PXDNL: variants seen among roughly 807,000 people sequenced by gnomAD.
PXDNL encodes the protein peroxidasin like.
PXDNL carries 145 observed loss-of-function variants against 150.8 expected under a neutral mutation model. That is an observed-to-expected ratio of 0.96 (90% CI 0.84 to 1.10). The LOEUF is 1.10. Ranked by LOEUF, PXDNL falls within the 50% of genes least tolerant of loss-of-function variation. The pLI is 0.00. For synonymous variants in PXDNL, 757 were observed against 725.7 expected, an observed-to-expected ratio of 1.04 and a Z score of -0.69; for missense variants, 2,087 against 1,873.9, an observed-to-expected ratio of 1.11 and a Z score of -2.10.
chr8:51,696,307 T>A (rs1816123175), intron 1 of PXDNL, among the ~76,000 whole-genome samples: 1 of 152,156 alleles, frequency 6.6e-6, no homozygotes, highest in East Asian at 1.9e-4. Flanking sequence ...ACTATTGCCG[T>A]TATAAGAAGA....
intron 1 of PXDNL, among the ~76,000 whole-genome samples, chr8:51,743,948 GA>G (rs1563306962): frequency 0.02 from 421 of 20,786 alleles, 1 homozygote; most frequent in Non-Finnish European, 0.052. Context: ...AGGAGAGAAA[GA>G]GAGAAAGAAA....
rs200199155 is a variant in PXDNL, at chr8:51,371,989, T to C, written c.3785A>G (p.Asp1262Gly). Residue 1262 changes from aspartate (D) to glycine (G), a missense_variant, in exon 19 of 23, where the codon GAC becomes GGC. Transcript: ENST00000356297. ...ATCAGCCTGCACTTGCTGAATGCTG[T>C]CACCATTGTCACAAAGCACCCGGCT... ...SLSRVLCDNG[D>G]SIQQVQADVF... is the part of the protein sequence containing the mutation. The C allele has an allele frequency of 6.2e-7, 1 of 1,613,668 alleles. No homozygotes were observed. The highest frequency in any genetic ancestry group is 2.2e-5 in the East Asian group (1 of 44,860).
rs111856054 is a variant in PXDNL at position 51,528,013 on chromosome 8, G to T, written c.381-28243C>A. Among the ~76,000 whole-genome samples, 978 of 152,240 alleles carry T rather than the reference G, an allele frequency of 6.4e-3. 5 individuals carry two copies. Among genetic ancestry groups the T allele is most frequent in the African/African-American group, 0.022 (932 of 41,534 alleles). On this transcript the variant is annotated intron_variant, in intron 4 of 22. Transcript: ENST00000356297. ...CCTCATCTGTCTAATCTAGTAGTTTGTGTGTAAGATAATTTGGAAAAAGAA... is the reference window on the plus strand; with the variant it reads ...CCTCATCTGTCTAATCTAGTAGTTTTTGTGTAAGATAATTTGGAAAAAGAA...
chr8:51,640,837 A>C (rs981682577), intron 2 of PXDNL, among the ~76,000 whole-genome samples: 4 of 151,874 alleles, frequency 2.6e-5, no homozygotes, highest in African/African-American at 9.7e-5. Context: ...CTTTCTTCAC[A>C]GAATTGGAAA....
intron 2 of PXDNL, among the ~76,000 whole-genome samples, chr8:51,636,866 T>TGA (rs1814614446): frequency 6.6e-6 from 1 of 151,792 alleles, no homozygotes; most frequent in Non-Finnish European, 1.5e-5. Flanking sequence ...GCATGGAGTG[T>TGA]GAGATCTGAG....
At chr8:51,383,733 TATAC>T (rs1448895675) in intron 17 of PXDNL, among the ~76,000 whole-genome samples, 1 of 152,212 alleles carries the variant, frequency 6.6e-6, no homozygotes, top group Non-Finnish European at 1.5e-5. Flanking sequence ...GGTATTTTGA[TATAC>T]AGAGAGTTGA....
chr8:51,580,832 GA>G (rs1813194669), intron 3 of PXDNL, among the ~76,000 whole-genome samples: 1 of 152,146 alleles, frequency 6.6e-6, no homozygotes, highest in South Asian at 2.1e-4. Context: ...TCTGGTTGGG[GA>G]AATCTAGAAA....
intron 6 of PXDNL, 133 bp from the exon 7 acceptor site, chr8:51,475,274 C>T: frequency 1.3e-6 from 1 of 794,352 alleles, no homozygotes; most frequent in Non-Finnish European, 2.0e-6. Flanking sequence ...ATTCTATTAA[C>T]CAATAAACAG....
intron 1 of PXDNL, among the ~76,000 whole-genome samples, chr8:51,675,699 A>G (rs1033610198): frequency 6.8e-6 from 1 of 147,976 alleles, no homozygotes; most frequent in Non-Finnish European, 1.5e-5. Flanking sequence ...AGGCTGAGGC[A>G]GGAGAATCAC....
chr8:51,385,377 A>G (rs1807670142), intron 17 of PXDNL, among the ~76,000 whole-genome samples: 1 of 152,200 alleles, frequency 6.6e-6, no homozygotes, highest in South Asian at 2.1e-4. Context: ...ATGTCATTAA[A>G]TGTTATGTTT....
chr8:51,501,417 C>T (rs1374697225), intron 4 of PXDNL, among the ~76,000 whole-genome samples: 2 of 145,164 alleles, frequency 1.4e-5, no homozygotes, highest in African/African-American at 5.2e-5. Context: ...CTCAGACTCC[C>T]TCATACCCAC....
At chr8:51,342,027 A>G (rs955546285) in intron 20 of PXDNL, among the ~76,000 whole-genome samples, 3 of 152,210 alleles carry the variant, frequency 2.0e-5, no homozygotes, top group African/African-American at 7.2e-5. Context: ...AAAATTATTC[A>G]TAATTAGCAC....
intron 19 of PXDNL, among the ~76,000 whole-genome samples, chr8:51,355,342 C>T (rs891932390): frequency 1.3e-5 from 2 of 152,080 alleles, no homozygotes; most frequent in East Asian, 3.8e-4. Flanking sequence ...TACATTTGTA[C>T]ATAAAATATA....
At chr8:51,566,369 A>AT (rs1812829511) in intron 3 of PXDNL, among the ~76,000 whole-genome samples, 1 of 151,678 alleles carries the variant, frequency 6.6e-6, no homozygotes, top group African/African-American at 2.4e-5. Context: ...AATTAACGTC[A>AT]TTTTTTCTTT....
chr8:51,751,728 C>T (rs961318860), intron 1 of PXDNL, among the ~76,000 whole-genome samples: 8 of 152,182 alleles, frequency 5.3e-5, no homozygotes, highest in African/African-American at 1.9e-4. Context: ...TGCTTTAATA[C>T]TTTTTCTTTC....
At chr8:51,486,769 TATATATATATATATATATATA>T (rs1810752497) in intron 5 of PXDNL, among the ~76,000 whole-genome samples, 4 of 8,340 alleles carry the variant, frequency 4.8e-4, no homozygotes, top group African/African-American at 7.5e-4. Flanking sequence ...TATATATATA[TATATATATATATATATATATA>T]TATATTTTTT....
intron 1 of PXDNL, among the ~76,000 whole-genome samples, chr8:51,776,083 A>G (rs1006136320): frequency 6.6e-6 from 1 of 152,216 alleles, no homozygotes; most frequent in Admixed American, 6.5e-5. Flanking sequence ...CAGGCTTATT[A>G]GGACGAAGAA....
intron 1 of PXDNL, among the ~76,000 whole-genome samples, chr8:51,680,631 G>A (rs929382203): frequency 6.6e-6 from 1 of 152,142 alleles, no homozygotes; most frequent in African/African-American, 2.4e-5. Flanking sequence ...GTAAATCTCT[G>A]GTGCCTTCCT....
chr8:51,540,109 G>T (rs1812180164), intron 4 of PXDNL, among the ~76,000 whole-genome samples: 1 of 151,990 alleles, frequency 6.6e-6, no homozygotes, highest in African/African-American at 2.4e-5. Context: ...TGTTGGCCAG[G>T]CTGGTCTCGA....
Sources: gnomAD v4.1 joint callset for allele counts (sites outside exome capture counted in the v4.1 genomes callset) on GRCh38, gnomAD v4.1.1 for gene constraint, MANE v1.5 for transcripts, NCBI Gene and HGNC (gene_info 2026-07-23, HGNC 2026-07-21) for gene names.